Variants in COL23A1 observed in about 807,000 individuals in gnomAD.
COL23A1 encodes collagen type XXIII alpha 1 chain.
In COL23A1, 97 loss-of-function variants were observed where a neutral mutation model predicts 99.3. The ratio of observed to expected loss-of-function variants is 0.98; its 90% confidence interval spans 0.83 to 1.16. The LOEUF is 1.16. Ranked by LOEUF, COL23A1 falls within the 50% of genes most tolerant of loss-of-function variation. The pLI, the probability that COL23A1 is intolerant of heterozygous loss-of-function variation, is 0.00. For missense variants in COL23A1, 762 were observed against 757.4 expected (o/e 1.01, Z -0.07); for synonymous variants, 320 against 308.2 (o/e 1.04, Z -0.40).
chr5:178,370,488 G>T (rs1362610940), intron 2 of COL23A1, among the ~76,000 whole-genome samples: 3 of 152,134 alleles, frequency 2.0e-5, no homozygotes, highest in Non-Finnish European at 4.4e-5. Flanking sequence ...AAGCAGAGAG[G>T]CTTCAGAAAC....
intron 2 of COL23A1, among the ~76,000 whole-genome samples, chr5:178,356,628 A>C (rs1182189671): frequency 6.6e-6 from 1 of 151,344 alleles, no homozygotes; most frequent in Non-Finnish European, 1.5e-5. Context: ...AGGAAAAAAA[A>C]GGCAAAGGAA....
In COL23A1 at chr5:178,421,844, T is replaced by C. The variant is rs12514150; in HGVS notation, c.362-114925A>G. Among the ~76,000 whole-genome samples the C allele has an allele frequency of 4.1e-3, 629 of 152,282 alleles. 3 individuals are homozygous for C. The highest frequency in any genetic ancestry group is 6.5e-3 in the Non-Finnish European group (442 of 68,032). ...AGATGGCGTCATTGCACTCTAAGCC[T>C]GGGCAACAAGAGTGAAACTTTGTCT... is the stretch of plus-strand genomic sequence containing the variant. On this transcript the variant is annotated intron_variant, in intron 2 of 28. Transcript: ENST00000390654.
At chr5:178,275,754 C>G (rs967188025) in intron 5 of COL23A1, among the ~76,000 whole-genome samples, 1 of 152,190 alleles carries the variant, frequency 6.6e-6, no homozygotes, top group Non-Finnish European at 1.5e-5. Flanking sequence ...ACTACAAAGT[C>G]AGCTGGTCGG....
At chr5:178,573,862 T>A (rs1446342748) in intron 1 of COL23A1, among the ~76,000 whole-genome samples, 1 of 152,108 alleles carries the variant, frequency 6.6e-6, no homozygotes. Flanking sequence ...AGGGTTCTTT[T>A]TTTTTTTCTT....
intron 1 of COL23A1, among the ~76,000 whole-genome samples, chr5:178,587,252 A>C (rs1029720845): frequency 3.9e-5 from 6 of 152,150 alleles, no homozygotes; most frequent in Non-Finnish European, 8.8e-5. Context: ...CATGGCTCTT[A>C]CTCAGAAATC....
At chr5:178,368,332 A>G (rs958153181) in intron 2 of COL23A1, among the ~76,000 whole-genome samples, 1 of 152,174 alleles carries the variant, frequency 6.6e-6, no homozygotes. Flanking sequence ...AATAGAGTGG[A>G]AAGTGCAGAG....
At chr5:178,243,925 C>T (rs1446253993) in intron 25 of COL23A1, among the ~76,000 whole-genome samples, 1 of 152,202 alleles carries the variant, frequency 6.6e-6, no homozygotes, top group African/African-American at 2.4e-5. Flanking sequence ...CCAGCACCCC[C>T]GTCAGAAACC....
chr5:178,584,021 C>T (rs1763791444), intron 1 of COL23A1, among the ~76,000 whole-genome samples: 2 of 152,078 alleles, frequency 1.3e-5, no homozygotes, highest in South Asian at 4.1e-4. Context: ...CGCCACCATG[C>T]CCAGCTGATT....
intron 2 of COL23A1, among the ~76,000 whole-genome samples, chr5:178,490,706 G>A (rs1289067094): frequency 6.6e-6 from 1 of 152,206 alleles, no homozygotes; most frequent in African/African-American, 2.4e-5. Context: ...CGGCCTGGGA[G>A]TTTGAGACTG....
At chr5:178,265,682 AT>A in intron 8 of COL23A1, 1 of 985,842 alleles carries the variant, frequency 1.0e-6, no homozygotes, top group Non-Finnish European at 1.2e-6. Flanking sequence ...TGTACAGGTG[AT>A]GGTCTCTACT....
intron 2 of COL23A1, among the ~76,000 whole-genome samples, chr5:178,459,622 C>G (rs1176404561): frequency 6.6e-6 from 1 of 152,068 alleles, no homozygotes; most frequent in African/African-American, 2.4e-5. Context: ...CTTAGTCGGG[C>G]GTGGTGGCGT....
At chr5:178,249,716 A>ACACACACACTCACT in intron 18 of COL23A1, among the ~76,000 whole-genome samples, 10 of 92,808 alleles carry the variant, frequency 1.1e-4, no homozygotes, top group African/African-American at 1.7e-4. Context: ...ACACACACAC[A>ACACACACACTCACT]CTCTCTCTCT....
intron 5 of COL23A1, among the ~76,000 whole-genome samples, chr5:178,287,759 A>T: frequency 6.6e-6 from 1 of 151,932 alleles, no homozygotes; most frequent in Non-Finnish European, 1.5e-5. Flanking sequence ...TGCTGCCACG[A>T]CCCTCAACCC....
intron 2 of COL23A1, among the ~76,000 whole-genome samples, chr5:178,505,949 G>C (rs73340609): frequency 0.016 from 2,453 of 152,164 alleles, 78 homozygotes; most frequent in African/African-American, 0.056. Flanking sequence ...AGGACCCACG[G>C]TGAGTCTAAG....
chr5:178,426,031 G>A (rs895982659), intron 2 of COL23A1, among the ~76,000 whole-genome samples: 4 of 152,160 alleles, frequency 2.6e-5, no homozygotes, highest in Non-Finnish European at 1.5e-5. Flanking sequence ...TCCACAGCAG[G>A]GGGGGCAACC....
intron 2 of COL23A1, among the ~76,000 whole-genome samples, chr5:178,370,542 T>A (rs1581249075): frequency 6.6e-6 from 1 of 151,318 alleles, no homozygotes; most frequent in African/African-American, 2.4e-5. Context: ...GGATATAGAG[T>A]TTCATTAGAC....
intron 11 of COL23A1, among the ~76,000 whole-genome samples, chr5:178,261,319 C>T (rs1330197047): frequency 1.3e-5 from 2 of 151,924 alleles, no homozygotes; most frequent in Admixed American, 1.3e-4. Flanking sequence ...GAGGCTGAGG[C>T]AGGAGAATTG....
chr5:178,338,952 C>T (rs1177741931), intron 2 of COL23A1, among the ~76,000 whole-genome samples: 1 of 152,196 alleles, frequency 6.6e-6, no homozygotes, highest in African/African-American at 2.4e-5. Flanking sequence ...CATCTTAGGG[C>T]TTGGAAACAG....
chr5:178,520,279 G>A (rs1380777786), intron 2 of COL23A1, among the ~76,000 whole-genome samples: 1 of 152,212 alleles, frequency 6.6e-6, no homozygotes, highest in Non-Finnish European at 1.5e-5. Context: ...TTTGCTGCCA[G>A]AGCAGAGGCT....
Sources: allele counts gnomAD v4.1 joint callset (sites outside exome capture counted in the v4.1 genomes callset), GRCh38; gene constraint gnomAD v4.1.1; transcripts MANE v1.5; gene names NCBI Gene and HGNC (gene_info 2026-07-23, HGNC 2026-07-21).